KIFAP3: variants seen among roughly 807,000 people sequenced by gnomAD.
KIFAP3 encodes kinesin-associated protein 3.
A neutral mutation model predicts 106.5 loss-of-function variants in KIFAP3; 68 were observed. The observed-to-expected ratio is 0.64, with a 90% CI of 0.53 to 0.78. The LOEUF is 0.78. Ranked by LOEUF, KIFAP3 falls within the 30% of genes least tolerant of loss-of-function variation. KIFAP3 has a pLI of 0.00. For missense variants in KIFAP3, 780 were observed against 941.8 expected (o/e 0.83, Z 2.25); for synonymous variants, 320 against 311.5 (o/e 1.03, Z -0.29).
chr1:169,929,039 G>A (rs189730084), intron 19 of KIFAP3, among the ~76,000 whole-genome samples: 1 of 152,202 alleles, frequency 6.6e-6, no homozygotes, highest in Admixed American at 6.5e-5. Flanking sequence ...CCTAACACTA[G>A]TAAAATGATG....
At chr1:169,932,541 C>T (rs1020051866) in intron 19 of KIFAP3, among the ~76,000 whole-genome samples, 2 of 152,032 alleles carry the variant, frequency 1.3e-5, no homozygotes, top group African/African-American at 4.8e-5. Context: ...GCTATATCAA[C>T]TCCCCATCTT....
chr1:170,037,957 G>A (rs12122720), intron 5 of KIFAP3, among the ~76,000 whole-genome samples: 9,586 of 152,050 alleles, frequency 0.063, 384 homozygotes, highest in Non-Finnish European at 0.095. Flanking sequence ...GTGCTACTGA[G>A]AAAAAATGAA....
chr1:170,075,848 CT>C (rs1387022246), upstream of KIFAP3, among the ~76,000 whole-genome samples: 1 of 152,178 alleles, frequency 6.6e-6, no homozygotes, highest in East Asian at 1.9e-4. Context: ...TACATTCTTA[CT>C]TCTACCAATA....
intron 17 of KIFAP3, among the ~76,000 whole-genome samples, chr1:169,962,567 G>A (rs572208604): frequency 3.7e-4 from 57 of 152,210 alleles, no homozygotes; most frequent in East Asian, 3.9e-4. Flanking sequence ...GGGATGCAGG[G>A]TAATAGCACT....
chr1:169,963,607 C>T (rs1477494110), intron 17 of KIFAP3, among the ~76,000 whole-genome samples: 1 of 152,072 alleles, frequency 6.6e-6, no homozygotes, highest in East Asian at 1.9e-4. Flanking sequence ...GTTCTTGTGC[C>T]TCAGCCTCCA....
chr1:169,982,289 G>A (rs939292022), intron 14 of KIFAP3, among the ~76,000 whole-genome samples, 192 bp from the exon 15 acceptor site: 4 of 152,148 alleles, frequency 2.6e-5, no homozygotes, highest in South Asian at 2.1e-4. Flanking sequence ...GATAGTGGGG[G>A]CAGGGGGCAG....
intron 17 of KIFAP3, among the ~76,000 whole-genome samples, chr1:169,965,776 C>T (rs1269765536): frequency 6.6e-6 from 1 of 151,958 alleles, no homozygotes; most frequent in Admixed American, 6.6e-5. Context: ...TAAACGTATA[C>T]ATACAAGGCT....
chr1:169,990,367 T>C (rs1365626285), intron 11 of KIFAP3, among the ~76,000 whole-genome samples: 1 of 150,044 alleles, frequency 6.7e-6, no homozygotes, highest in Non-Finnish European at 1.5e-5. Context: ...GAAAAGTAAA[T>C]GCAAATAAAG....
intron 4 of KIFAP3, among the ~76,000 whole-genome samples, chr1:170,038,804 G>C (rs1313806270): frequency 1.3e-5 from 2 of 152,192 alleles, no homozygotes; most frequent in African/African-American, 4.8e-5. Context: ...AGCACACCTA[G>C]CCAGGCACGG....
intron 17 of KIFAP3, among the ~76,000 whole-genome samples, chr1:169,964,891 TG>T (rs1436638386): frequency 2.6e-5 from 4 of 152,194 alleles, no homozygotes; most frequent in African/African-American, 9.6e-5. Context: ...TGTCTGTGTA[TG>T]TGCTCAATTA....
At chr1:169,981,930 G>T in intron 15 of KIFAP3, 42 bp downstream of exon 15, 1 of 1,459,446 alleles carries the variant, frequency 6.9e-7, no homozygotes, top group Non-Finnish European at 9.5e-7. Flanking sequence ...AAATCAATAA[G>T]CTGTTTAGAC....
intron 12 of KIFAP3, among the ~76,000 whole-genome samples, 156 bp from the exon 13 acceptor site, chr1:169,983,538 T>C (rs1666641175): frequency 6.6e-6 from 1 of 151,914 alleles, no homozygotes; most frequent in African/African-American, 2.4e-5. Context: ...ATACCATATA[T>C]CAACATACAG....
chr1:169,950,724 C>A (rs926595803), intron 19 of KIFAP3, among the ~76,000 whole-genome samples: 13 of 151,906 alleles, frequency 8.6e-5, no homozygotes, highest in African/African-American at 3.1e-4. Flanking sequence ...GAAAAAGATT[C>A]CTACTTTGCT....
At chr1:170,060,370 GACAA>G (rs1177395043) in intron 1 of KIFAP3, among the ~76,000 whole-genome samples, 2 of 152,104 alleles carry the variant, frequency 1.3e-5, no homozygotes, top group Non-Finnish European at 2.9e-5. Flanking sequence ...ACCAATAACA[GACAA>G]ACAGAGAGCC....
intron 19 of KIFAP3, among the ~76,000 whole-genome samples, chr1:169,947,804 A>T (rs1426399780): frequency 6.6e-6 from 1 of 151,818 alleles, no homozygotes; most frequent in Non-Finnish European, 1.5e-5. Context: ...AACATTTTTA[A>T]TAAGGAAGAG....
chr1:170,035,639 G>T (rs969376718), intron 5 of KIFAP3, 86 bp from the exon 6 acceptor site: 2 of 740,114 alleles, frequency 2.7e-6, no homozygotes, highest in Non-Finnish European at 4.3e-6. Context: ...AGTTATTAAT[G>T]AATAATAAAG....
At position 170,066,909 on chromosome 1, in the gene KIFAP3, G is replaced by T. The variant is rs191763573; in HGVS notation, c.32+7527C>A. Among the ~76,000 whole-genome samples the T allele has an allele frequency of 5.8e-4, 88 of 151,832 alleles. 2 individuals are homozygous for T. The highest frequency in any genetic ancestry group is 2.1e-3 in the Admixed American group (32 of 15,260). On this transcript the variant is annotated intron_variant, in intron 1 of 19. Transcript: ENST00000361580. ...ACATAAATAAAATATAATCTTCTCT[G>T]GAAAAAGAGAACATCATCCTGAGCC...
intron 10 of KIFAP3, among the ~76,000 whole-genome samples, chr1:170,014,216 C>T (rs1219023539): frequency 2.0e-5 from 3 of 152,168 alleles, no homozygotes; most frequent in Non-Finnish European, 2.9e-5. Flanking sequence ...TGATTATAAC[C>T]TACCGAGCTC....
At position 170,074,656 on chromosome 1, in the gene KIFAP3, C is replaced by T. The variant is rs1671854134; in HGVS notation, c.-189G>A. The T allele has an allele frequency of 6.9e-7, 1 of 1,456,886 alleles. No homozygotes were observed. The highest frequency in any genetic ancestry group is 9.1e-7 in the Non-Finnish European group (1 of 1,103,870). The allele number at this position is 1,456,886 out of a possible 1,614,324, so 90.2% of individuals were successfully genotyped here. A position where few individuals can be genotyped will look rare whatever the true frequency, so the allele number is the denominator to read the frequency against. ...CAGCTCCTCCCACAGCTTCTGTGCC[C>T]CAAAACACTGGAGCGGCCCAGACCC... On this transcript the variant is annotated 5_prime_UTR_variant, in exon 1 of 20. Transcript: ENST00000361580.
Sources: gnomAD v4.1 joint callset for allele counts (sites outside exome capture counted in the v4.1 genomes callset) on GRCh38, gnomAD v4.1.1 for gene constraint, MANE v1.5 for transcripts, NCBI Gene and HGNC (gene_info 2026-07-23, HGNC 2026-07-21) for gene names.